Variants in SLC9A8 observed in about 807,000 individuals in gnomAD.
SLC9A8 encodes sodium/hydrogen exchanger 8.
In SLC9A8, 48 loss-of-function variants were observed where a neutral mutation model predicts 66.6. The ratio of observed to expected loss-of-function variants is 0.72; its 90% CI spans 0.57 to 0.92. The LOEUF is 0.92. Ranked by LOEUF, SLC9A8 falls within the 40% of genes least tolerant of loss-of-function variation. The pLI is 0.00. For missense variants in SLC9A8, 599 were observed against 747.3 expected (o/e 0.80, Z 2.31); for synonymous variants, 274 against 282.6 (o/e 0.97, Z 0.31).
intron 8 of SLC9A8, among the ~76,000 whole-genome samples, chr20:49,858,076 T>C (rs915860235): frequency 3.3e-5 from 5 of 152,230 alleles, no homozygotes; most frequent in African/African-American, 1.2e-4. Flanking sequence ...TATATATACA[T>C]TTTATTTCAA....
Position 49,884,288 on chromosome 20 carries a change from C to T in SLC9A8, c.1491+222C>T, listed in dbSNP as rs1461594883. 2.8e-4 allele frequency: 33 copies of T among 118,824 alleles called. 2 individuals are homozygous for T. The highest frequency in any genetic ancestry group is 4.6e-4 in the Non-Finnish European group (28 of 60,532). 7.4% of individuals were successfully genotyped at this position (118,824 alleles called of 1,614,324 possible). A position where few individuals can be genotyped will look rare whatever the true frequency, so the allele number is the denominator to read the frequency against. On this transcript the variant is annotated intron_variant, in intron 14 of 15. Transcript: ENST00000361573. ...CACACACACACGACACACACACACA[C>T]GACACACACACACACACACACACAC...
chr20:49,849,827 A>C lies in SLC9A8; in HGVS notation c.534+147A>C, dbSNP rs563457946. On this transcript the variant is annotated intron_variant, in intron 6 of 15. Coordinates refer to ENST00000361573, the MANE Select transcript of SLC9A8 (RefSeq NM_015266.3). ...TTCTGGAAGGAAATCCTAGCTTCAT[A>C]TGAGGCACAGTAGAGGCGTGCTAAA... The C allele has an allele frequency of 1.3e-5, 9 of 667,386 alleles. No individual in the cohort carries two copies. The South Asian group carries it at 1.6e-4, about 12-fold the overall frequency. The allele number at this position is 667,386 out of a possible 1,614,324, so 41.3% of individuals were successfully genotyped here.
At chr20:49,832,609 C>T (rs920596142) in intron 3 of SLC9A8, among the ~76,000 whole-genome samples, 5 of 152,218 alleles carry the variant, frequency 3.3e-5, no homozygotes, top group Admixed American at 6.5e-5. Flanking sequence ...TCCCCACTCA[C>T]GGCTTTGGCC....
At chr20:49,843,908 G>A (rs906132562) in intron 4 of SLC9A8, among the ~76,000 whole-genome samples, 5 of 151,972 alleles carry the variant, frequency 3.3e-5, no homozygotes, top group Admixed American at 1.3e-4. Context: ...TGCTCTGTTC[G>A]TTCCCTATAC....
At chr20:49,829,780 G>A in intron 3 of SLC9A8, 1 of 547,122 alleles carries the variant, frequency 1.8e-6, no homozygotes, top group Non-Finnish European at 3.7e-6. Context: ...TTCCAGTGAG[G>A]AGAGAAGCAG....
intron 5 of SLC9A8, among the ~76,000 whole-genome samples, chr20:49,848,386 C>G (rs1232460311): frequency 6.6e-6 from 1 of 152,186 alleles, no homozygotes; most frequent in Non-Finnish European, 1.5e-5. Flanking sequence ...TGATAGGCAG[C>G]CAAGTCAAAA....
At chr20:49,854,586 T>G (rs2088391871) in intron 7 of SLC9A8, among the ~76,000 whole-genome samples, 1 of 152,082 alleles carries the variant, frequency 6.6e-6, no homozygotes. Flanking sequence ...GAATTTGCCT[T>G]CATCTCTGGG....
chr20:49,863,548 C>T (rs921773125), intron 9 of SLC9A8, among the ~76,000 whole-genome samples: 2 of 151,914 alleles, frequency 1.3e-5, no homozygotes, highest in Non-Finnish European at 2.9e-5. Flanking sequence ...AGTGAGACCT[C>T]ATCTCTAAAA....
At chr20:49,818,847 A>AT (rs1421709254) in intron 2 of SLC9A8, among the ~76,000 whole-genome samples, 2 of 152,220 alleles carry the variant, frequency 1.3e-5, no homozygotes, top group Admixed American at 1.3e-4. Context: ...TAACTTGCTA[A>AT]TTCATGAATA....
intron 6 of SLC9A8, 150 bp from the exon 7 acceptor site, chr20:49,850,660 T>A: frequency 1.1e-6 from 1 of 895,044 alleles, no homozygotes; most frequent in South Asian, 1.9e-5. Context: ...CAACTAAGGC[T>A]TAGGAGCTTT....
At chr20:49,848,937 G>C (rs1354072524) in intron 5 of SLC9A8, among the ~76,000 whole-genome samples, 1 of 152,176 alleles carries the variant, frequency 6.6e-6, no homozygotes. Context: ...CCCAGAATGA[G>C]CCTGCAGCCT....
At chr20:49,844,075 G>A (rs2087878989) in intron 4 of SLC9A8, among the ~76,000 whole-genome samples, 1 of 152,136 alleles carries the variant, frequency 6.6e-6, no homozygotes, top group Admixed American at 6.6e-5. Flanking sequence ...TTTCCGGACA[G>A]CAGAATCATG....
chr20:49,846,657 T>C (rs759854964), intron 5 of SLC9A8, among the ~76,000 whole-genome samples: 10 of 152,156 alleles, frequency 6.6e-5, no homozygotes, highest in Non-Finnish European at 1.5e-4. Flanking sequence ...CTCATGCCTA[T>C]AATCCCAGCA....
intron 10 of SLC9A8, among the ~76,000 whole-genome samples, chr20:49,869,385 A>AT (rs1335254581): frequency 9.0e-4 from 133 of 148,340 alleles, no homozygotes; most frequent in African/African-American, 2.9e-3. Context: ...CGCCCGACTA[A>AT]TTTTTTTTTT....
intron 3 of SLC9A8, among the ~76,000 whole-genome samples, chr20:49,828,624 AG>A (rs1463805265): frequency 1.3e-5 from 2 of 150,966 alleles, no homozygotes; most frequent in Non-Finnish European, 2.9e-5. Context: ...GATCACCTTG[AG>A]GTCAGGAGTT....
chr20:49,851,272 G>A (rs949926085), intron 7 of SLC9A8, among the ~76,000 whole-genome samples: 1 of 152,150 alleles, frequency 6.6e-6, no homozygotes, highest in African/African-American at 2.4e-5. Context: ...CTGTGGTGGG[G>A]GAAGCAGGGC....
intron 8 of SLC9A8, among the ~76,000 whole-genome samples, chr20:49,860,624 C>T (rs754133138): frequency 1.3e-5 from 2 of 151,976 alleles, no homozygotes; most frequent in Admixed American, 6.6e-5. Context: ...GGGAGGCTGA[C>T]GCAGGAGAAT....
Position 49,891,611 on chromosome 20 carries a change from C to T in SLC9A8, c.*3675C>T, listed in dbSNP as rs1335638748. 2.0e-5 allele frequency: 3 copies of T among 152,484 alleles called. No individual in the cohort carries two copies. The highest frequency in any genetic ancestry group is 1.3e-4 in the Admixed American group (2 of 15,294). The allele number at this position is 152,484 out of a possible 1,614,324, so 9.4% of individuals were successfully genotyped here. ...TGGCCTCTGGTGCCCTTGAGTTGGT[C>T]TCCCCGGCTGCTCTGCGGGGGCTTC... On this transcript the variant is annotated 3_prime_UTR_variant, in exon 16 of 16. Transcript: ENST00000361573.
chr20:49,822,476 A>G (rs920089995), intron 2 of SLC9A8, among the ~76,000 whole-genome samples: 1 of 152,214 alleles, frequency 6.6e-6, no homozygotes, highest in Non-Finnish European at 1.5e-5. Flanking sequence ...ATAAGGTTTA[A>G]CAGCTTATAT....
Sources: gnomAD v4.1 joint callset for allele counts (sites outside exome capture counted in the v4.1 genomes callset) on GRCh38, gnomAD v4.1.1 for gene constraint, MANE v1.5 for transcripts, NCBI Gene and HGNC (gene_info 2026-07-23, HGNC 2026-07-21) for gene names.